The following ADAMTS19 variants were observed in gnomAD, a reference collection of about 807,000 sequenced individuals.
ADAMTS19 encodes A disintegrin and metalloproteinase with thrombospondin motifs 19.
A neutral mutation model predicts 153.3 loss-of-function variants in ADAMTS19; 93 were observed. That is an observed-to-expected ratio of 0.61 (90% CI 0.51 to 0.72). ADAMTS19 has a LOEUF of 0.72. Ranked by LOEUF, ADAMTS19 falls within the 30% of genes least tolerant of loss-of-function variation. The pLI is 0.00. For synonymous variants in ADAMTS19, 600 were observed against 556.6 expected (o/e 1.08, Z -1.10); for missense variants, 1,482 against 1,552.1 (o/e 0.95, Z 0.76).
intron 7 of ADAMTS19, among the ~76,000 whole-genome samples, chr5:129,585,747 A>G (rs1431218103): frequency 6.6e-6 from 1 of 152,186 alleles, no homozygotes; most frequent in Non-Finnish European, 1.5e-5. Flanking sequence ...AAGTTGTTTC[A>G]CATAGTATAG....
chr5:129,725,731 T>C (rs1318153408), intron 21 of ADAMTS19, among the ~76,000 whole-genome samples: 1 of 152,054 alleles, frequency 6.6e-6, no homozygotes, highest in East Asian at 1.9e-4. Context: ...GCCCTGGTCA[T>C]GTCTGCCTGA....
chr5:129,465,141 T>C (rs1373229006), intron 2 of ADAMTS19, among the ~76,000 whole-genome samples: 1 of 152,220 alleles, frequency 6.6e-6, no homozygotes, highest in Admixed American at 6.5e-5. Flanking sequence ...TCCAACACTT[T>C]ACTTTTTAGT....
chr5:129,694,397 G>A (rs1238318556), intron 18 of ADAMTS19, among the ~76,000 whole-genome samples: 1 of 152,138 alleles, frequency 6.6e-6, no homozygotes, highest in East Asian at 1.9e-4. Flanking sequence ...TAAATCAATT[G>A]AGTGACTATA....
chr5:129,532,386 CT>C (rs1164364102), intron 6 of ADAMTS19, among the ~76,000 whole-genome samples: 2 of 151,978 alleles, frequency 1.3e-5, no homozygotes, highest in Non-Finnish European at 2.9e-5. Flanking sequence ...ATCATTAGTA[CT>C]CAGGAAAATG....
intron 2 of ADAMTS19, among the ~76,000 whole-genome samples, chr5:129,471,731 G>A (rs1359415235): frequency 1.3e-5 from 2 of 152,034 alleles, no homozygotes; most frequent in Non-Finnish European, 2.9e-5. Context: ...GTAGGCCCCA[G>A]AGTCTGTAGT....
At chr5:129,734,485 A>G (rs538022960) in intron 21 of ADAMTS19, among the ~76,000 whole-genome samples, 3 of 152,172 alleles carry the variant, frequency 2.0e-5, no homozygotes, top group East Asian at 3.9e-4. Flanking sequence ...GCAGATGAGT[A>G]TATTTAAAGA....
chr5:129,569,391 T>C (rs1753821727), intron 7 of ADAMTS19, among the ~76,000 whole-genome samples: 1 of 152,112 alleles, frequency 6.6e-6, no homozygotes, highest in South Asian at 2.1e-4. Flanking sequence ...ATATTTGAAA[T>C]GTCAACACTC....
chr5:129,511,151 A>C (rs1476706353), intron 3 of ADAMTS19, among the ~76,000 whole-genome samples: 9 of 151,848 alleles, frequency 5.9e-5, no homozygotes, highest in African/African-American at 2.2e-4. Context: ...AATTTTGATA[A>C]TGTTGCAGTA....
chr5:129,706,545 G>C (rs1271325290), intron 21 of ADAMTS19, among the ~76,000 whole-genome samples: 1 of 150,534 alleles, frequency 6.6e-6, no homozygotes, highest in East Asian at 1.9e-4. Flanking sequence ...CTCCAGCCTG[G>C]GTAACAAGAG....
intron 16 of ADAMTS19, among the ~76,000 whole-genome samples, chr5:129,669,124 G>T (rs1754186592): frequency 1.3e-5 from 2 of 151,408 alleles, no homozygotes; most frequent in Non-Finnish European, 2.9e-5. Context: ...TTCAACAAGG[G>T]TACCAAGACC....
intron 15 of ADAMTS19, among the ~76,000 whole-genome samples, chr5:129,665,211 T>C (rs1010162096): frequency 2.6e-5 from 4 of 151,984 alleles, no homozygotes; most frequent in African/African-American, 9.7e-5. Flanking sequence ...CCACTGGGTT[T>C]TTTTTTTTCC....
At chr5:129,726,584 C>A (rs114092228) in intron 21 of ADAMTS19, among the ~76,000 whole-genome samples, 18,140 of 152,016 alleles carry the variant, frequency 0.12, 1,261 homozygotes, top group South Asian at 0.19. Flanking sequence ...GAAGAAACAC[C>A]TACTTAAGGG....
At chr5:129,536,820 A>G (rs1302323248) in intron 6 of ADAMTS19, among the ~76,000 whole-genome samples, 3 of 151,948 alleles carry the variant, frequency 2.0e-5, no homozygotes, top group South Asian at 4.1e-4. Context: ...GACAAAAACA[A>G]ACACTGCATG....
chr5:129,571,134 G>A (rs1753889805), intron 7 of ADAMTS19, among the ~76,000 whole-genome samples: 1 of 151,732 alleles, frequency 6.6e-6, no homozygotes, highest in Admixed American at 6.6e-5. Context: ...TGTCTCTGCA[G>A]AAAACATTAT....
rs1174219529 is a variant in ADAMTS19, at chr5:129,737,117, G to A, written c.3541G>A (p.Val1181Met). Residue 1181 changes from valine to methionine, a missense_variant, in exon 23 of 23, where the codon GTG (valine) becomes ATG (methionine). Transcript: ENST00000274487. Reference sequence around the variant, plus strand: ...AGATCAGTGGCCAGTGTACTGCCGAGTGATACGTGAAAAGAACCTATGTCA... The same window carrying A: ...AGATCAGTGGCCAGTGTACTGCCGAATGATACGTGAAAAGAACCTATGTCA... ...LGDQWPVYCR[V>M]IREKNLCQDM... The A allele has an allele frequency of 6.2e-7, 1 of 1,611,038 alleles. No individual in the cohort carries two copies. The highest frequency in any genetic ancestry group is 8.5e-7 in the Non-Finnish European group (1 of 1,178,026).
intron 3 of ADAMTS19, among the ~76,000 whole-genome samples, chr5:129,523,054 CAAAAA>C (rs55963617): frequency 9.5e-6 from 1 of 105,274 alleles, no homozygotes; most frequent in Non-Finnish European, 2.2e-5. Flanking sequence ...GACTCCATCT[CAAAAA>C]AAAAAAAAAA....
At chr5:129,619,918 C>G (rs1449398243) in intron 8 of ADAMTS19, among the ~76,000 whole-genome samples, 2 of 151,606 alleles carry the variant, frequency 1.3e-5, no homozygotes, top group Admixed American at 6.6e-5. Flanking sequence ...AACTTAGTAG[C>G]TAGCAAAAGC....
intron 2 of ADAMTS19, among the ~76,000 whole-genome samples, chr5:129,504,215 A>G (rs1026913080): frequency 1.3e-5 from 2 of 152,182 alleles, no homozygotes; most frequent in Non-Finnish European, 2.9e-5. Context: ...TGCCTCCTCT[A>G]TAAGGAGCAT....
chr5:129,543,450 G>A (rs549286403), intron 6 of ADAMTS19, among the ~76,000 whole-genome samples: 2 of 152,242 alleles, frequency 1.3e-5, no homozygotes, highest in South Asian at 4.1e-4. Context: ...ATGTTATACT[G>A]TTTCTGTTGT....
Sources: gnomAD v4.1 joint callset for allele counts (sites outside exome capture counted in the v4.1 genomes callset) on GRCh38, gnomAD v4.1.1 for gene constraint, MANE v1.5 for transcripts, NCBI Gene and HGNC (gene_info 2026-07-23, HGNC 2026-07-21) for gene names.